XPR1: variants seen among roughly 807,000 people sequenced by gnomAD.
The protein encoded by XPR1 is solute carrier family 53 member 1.
In XPR1, 28 loss-of-function variants were observed where a neutral mutation model predicts 87.5. That is an observed-to-expected ratio of 0.32 (90% CI 0.24 to 0.44). The LOEUF is 0.44. Among genes scored for constraint, XPR1 ranks in the 20% least tolerant of loss-of-function variants. The pLI, the probability that XPR1 is intolerant of heterozygous loss-of-function variation, is 1.00. For missense variants in XPR1, 559 were observed against 862.3 expected (o/e 0.65, Z 4.41); for synonymous variants, 300 against 306.1 (o/e 0.98, Z 0.21).
chr1:180,756,075 A>G (rs905070226), intron 2 of XPR1, among the ~76,000 whole-genome samples: 2 of 152,250 alleles, frequency 1.3e-5, no homozygotes, highest in Middle Eastern at 3.2e-3. Context: ...CCAGTAATCA[A>G]ACAAGTCTGT....
intron 14 of XPR1, among the ~76,000 whole-genome samples, chr1:180,881,160 T>C (rs1168266883): frequency 4.6e-5 from 7 of 151,806 alleles, no homozygotes; most frequent in Non-Finnish European, 1.0e-4. Context: ...CAGGAATGAG[T>C]CACAGATAAT....
intron 2 of XPR1, among the ~76,000 whole-genome samples, chr1:180,732,192 C>CAAAA (rs5779071): frequency 3.4e-4 from 37 of 107,768 alleles, no homozygotes; most frequent in African/African-American, 1.2e-3. Flanking sequence ...GACTCCATCT[C>CAAAA]AAAAAAAAAA....
At chr1:180,654,365 C>T (rs1170027118) in intron 1 of XPR1, among the ~76,000 whole-genome samples, 1 of 151,952 alleles carries the variant, frequency 6.6e-6, no homozygotes, top group Non-Finnish European at 1.5e-5. Context: ...ATATCTATTC[C>T]TTCTTGAAAT....
chr1:180,832,872 G>A (rs974144431), intron 9 of XPR1, among the ~76,000 whole-genome samples: 2 of 152,144 alleles, frequency 1.3e-5, no homozygotes, highest in African/African-American at 4.8e-5. Context: ...TACGAAGTTT[G>A]AAGTAGTTTT....
At chr1:180,728,305 G>GC (rs1015818289) in intron 2 of XPR1, among the ~76,000 whole-genome samples, 11 of 144,036 alleles carry the variant, frequency 7.6e-5, no homozygotes, top group South Asian at 4.8e-4. Context: ...ACTGGGGGGG[G>GC]GGGTAGTAAT....
At chr1:180,793,755 A>C (rs939842752) in intron 3 of XPR1, among the ~76,000 whole-genome samples, 4 of 152,144 alleles carry the variant, frequency 2.6e-5, no homozygotes, top group African/African-American at 9.6e-5. Context: ...ATTGTCCACA[A>C]TAAATTTTCC....
rs573990046 is a variant in XPR1, at chr1:180,662,466, A to C, written c.70-19894A>C. Among the ~76,000 whole-genome samples the C allele has an allele frequency of 4.6e-5, 7 of 152,256 alleles. No homozygotes were observed. The South Asian group carries it at 1.4e-3, about 32-fold the overall frequency. On this transcript the variant is annotated intron_variant, in intron 1 of 14. Transcript: ENST00000367590. Reference sequence around the variant, plus strand: ...TGTCATGCCACTCTCTTGGTCTGTAAGGTTTCCACTGAAAAGTCTGCTGCC... The same window carrying C: ...TGTCATGCCACTCTCTTGGTCTGTACGGTTTCCACTGAAAAGTCTGCTGCC...
intron 2 of XPR1, among the ~76,000 whole-genome samples, chr1:180,728,908 C>T (rs1355390056): frequency 6.6e-6 from 1 of 152,098 alleles, no homozygotes; most frequent in East Asian, 1.9e-4. Context: ...TGATATGTGT[C>T]ATAGGGGTTT....
intron 1 of XPR1, among the ~76,000 whole-genome samples, chr1:180,665,038 T>C (rs112642344): frequency 7.2e-5 from 11 of 152,330 alleles, no homozygotes; most frequent in Admixed American, 5.2e-4. Flanking sequence ...CACACTGTTA[T>C]GAAGAAATAT....
chr1:180,836,917 A>C (rs1394804365), intron 11 of XPR1, among the ~76,000 whole-genome samples: 3 of 152,186 alleles, frequency 2.0e-5, no homozygotes, highest in Non-Finnish European at 2.9e-5. Context: ...CATTGAAAAG[A>C]AGCACAGTCA....
intron 12 of XPR1, among the ~76,000 whole-genome samples, chr1:180,864,420 A>G (rs1346596724): frequency 6.6e-6 from 1 of 152,102 alleles, no homozygotes; most frequent in African/African-American, 2.4e-5. Context: ...AGGTGTCCAT[A>G]TTCTTCACTT....
At chr1:180,857,480 T>G (rs1324968328) in intron 11 of XPR1, among the ~76,000 whole-genome samples, 1 of 152,196 alleles carries the variant, frequency 6.6e-6, no homozygotes, top group East Asian at 1.9e-4. Context: ...CTTTATTGAA[T>G]GAATGGTTTC....
rs193207717 is a variant in XPR1, at chr1:180,887,470, C to G, written c.*3404C>G. On this transcript the variant is annotated 3_prime_UTR_variant, in exon 15 of 15. Coordinates refer to ENST00000367590, the MANE Select transcript of XPR1 (RefSeq NM_004736.4). Reference sequence around the variant, plus strand: ...AATGAGTGCCTATATTTAAGGCTGCCTATACCATTACAGTGGCGTAATTGG... The same window carrying G: ...AATGAGTGCCTATATTTAAGGCTGCGTATACCATTACAGTGGCGTAATTGG... 1.3e-5 allele frequency: 2 copies of G among 152,284 alleles called. No individual in the cohort carries two copies. The highest frequency in any genetic ancestry group is 1.3e-4 in the Admixed American group (2 of 15,302). The allele number at this position is 152,284 out of a possible 1,614,324, so 9.4% of individuals were successfully genotyped here.
At chr1:180,817,987 C>G (rs1650472293) in intron 7 of XPR1, among the ~76,000 whole-genome samples, 1 of 146,908 alleles carries the variant, frequency 6.8e-6, no homozygotes. Context: ...TGGAAAATCT[C>G]CACTCCAGGA....
chr1:180,632,366 T>G, intron 1 of XPR1, 96 bp downstream of exon 1: 1 of 1,466,104 alleles, frequency 6.8e-7, no homozygotes, highest in Non-Finnish European at 9.3e-7. Flanking sequence ...TGGCTCCCTG[T>G]GCCCGGGCAG....
chr1:180,806,189 A>C lies in XPR1; in HGVS notation c.575A>C (p.Asn192Thr), dbSNP rs200521820. Residue 192 changes from asparagine (N) to threonine (T), a missense_variant, in exon 5 of 15, where the codon AAC becomes ACC. Coordinates refer to ENST00000367590, the MANE Select transcript of XPR1 (RefSeq NM_004736.4). ...CCATTTTATACATGCAAGAAAATCA[A>C]CCAGCTTATCTCTGAAACTGAGGTA... is the stretch of plus-strand genomic sequence containing the variant. ...VAPFYTCKKI[N>T]QLISETEAVV... is the part of the protein sequence containing the mutation. 5.0e-6 allele frequency: 8 copies of C among 1,613,572 alleles called. No individual in the cohort carries two copies. In the African/African-American group the frequency reaches 1.1e-4, roughly 22 times the overall value.
At chr1:180,790,602 C>T (rs1245583915) in intron 3 of XPR1, among the ~76,000 whole-genome samples, 2 of 152,192 alleles carry the variant, frequency 1.3e-5, no homozygotes, top group Non-Finnish European at 2.9e-5. Context: ...TGCAGTGGTG[C>T]GATCTTGGCT....
chr1:180,685,561 G>T (rs970207247), intron 2 of XPR1, among the ~76,000 whole-genome samples: 3 of 152,134 alleles, frequency 2.0e-5, no homozygotes, highest in African/African-American at 7.2e-5. Flanking sequence ...AGAAGGAATG[G>T]TACCAGCTCC....
intron 2 of XPR1, among the ~76,000 whole-genome samples, chr1:180,708,411 T>C (rs1361926535): frequency 6.6e-6 from 1 of 152,228 alleles, no homozygotes; most frequent in African/African-American, 2.4e-5. Context: ...CACAACATTA[T>C]GAACGTACTT....
Sources: allele counts gnomAD v4.1 joint callset (sites outside exome capture counted in the v4.1 genomes callset), GRCh38; gene constraint gnomAD v4.1.1; transcripts MANE v1.5; gene names NCBI Gene and HGNC (gene_info 2026-07-23, HGNC 2026-07-21).